The following PXN variants were observed in gnomAD, a reference collection of about 807,000 sequenced individuals.
PXN encodes paxillin, also known as testicular tissue protein Li 134.
PXN carries 61 observed loss-of-function variants against 103.6 expected under a neutral mutation model. The observed-to-expected ratio is 0.59, with a 90% CI of 0.48 to 0.73. The LOEUF (loss-of-function observed/expected upper bound fraction) is 0.73, where lower values mean the gene tolerates loss of function less well. Ranked by LOEUF, PXN falls within the 30% of genes least tolerant of loss-of-function variation. The pLI is 0.00. For synonymous variants in PXN, 562 were observed against 607.8 expected, an observed-to-expected ratio of 0.92 and a Z score of 1.11; for missense variants, 1,274 against 1,460.3, an observed-to-expected ratio of 0.87 and a Z score of 2.08.
At position 120,214,265 on chromosome 12, in the gene PXN, A is replaced by C; in HGVS notation, c.2749-48T>G. 2.0e-4 allele frequency: 300 copies of C among 1,469,346 alleles called. No individual in the cohort carries two copies. The highest frequency in any genetic ancestry group is 2.5e-4 in the Non-Finnish European group (270 of 1,073,138). The allele number at this position is 1,469,346 out of a possible 1,614,324, so 91.0% of individuals were successfully genotyped here. A position where few individuals can be genotyped will look rare whatever the true frequency, so the allele number is the denominator to read the frequency against. ...CAAGGCTGAGCTCTGGGCAGATCTC[A>C]CAACTGAGACGCCCAGCAAGGCCGT... On this transcript the variant is annotated intron_variant, in intron 12 of 14. Coordinates refer to ENST00000637617, the MANE Select transcript of PXN (RefSeq NM_001385981.1). The surrounding 1 kb of genome is among the most constrained non-coding windows in gnomAD (Gnocchi z 5.0).
Position 120,215,441 on chromosome 12 carries a change from G to A in PXN, c.2403+119C>T, listed in dbSNP as rs1311692340. Reference sequence around the variant, plus strand: ...CCCTAAAGTGGGAGTGACGTCAGCAGGACTCCTGGTGGTCGGAGGGGCCCA... The same window carrying A: ...CCCTAAAGTGGGAGTGACGTCAGCAAGACTCCTGGTGGTCGGAGGGGCCCA... On this transcript the variant is annotated intron_variant, in intron 10 of 14. Transcript: ENST00000637617. This position sits in a 1 kb window ranked among gnomAD's most constrained non-coding sequence, Gnocchi z 4.9. 4 of 1,460,342 alleles carry A rather than the reference G, an allele frequency of 2.7e-6. No homozygotes were observed. The African/African-American group carries it at 4.3e-5, about 16-fold the overall frequency. 90.5% of individuals were successfully genotyped at this position (1,460,342 alleles called of 1,614,324 possible).
At chr12:120,262,998 A>T (rs1380860838) in intron 1 of PXN, among the ~76,000 whole-genome samples, 2 of 152,158 alleles carry the variant, frequency 1.3e-5, no homozygotes, top group African/African-American at 4.8e-5. Flanking sequence ...GAAGGAGAAG[A>T]GTTCCCCATT....
At chr12:120,231,195 G>C (rs756050285) in intron 1 of PXN, among the ~76,000 whole-genome samples, 3 of 152,178 alleles carry the variant, frequency 2.0e-5, no homozygotes, top group African/African-American at 4.8e-5. Flanking sequence ...GGCAGAACCC[G>C]ATTTGTCCCC....
intron 1 of PXN, among the ~76,000 whole-genome samples, chr12:120,233,172 G>A (rs1351292920): frequency 6.6e-6 from 1 of 152,062 alleles, no homozygotes; most frequent in Non-Finnish European, 1.5e-5. Context: ...ACACACCATC[G>A]GCCCGAACTT....
At position 120,221,500 on chromosome 12, in the gene PXN, T is replaced by A; in HGVS notation, c.831+123A>T. ...CAAGGCCAGGGCATGACAGTGTCCCTGGCTCAGGGGCAAGGCACCCAAACA... is the reference window on the plus strand; with the variant it reads ...CAAGGCCAGGGCATGACAGTGTCCCAGGCTCAGGGGCAAGGCACCCAAACA... On this transcript the variant is annotated intron_variant, in intron 6 of 14. Coordinates refer to ENST00000637617, the MANE Select transcript of PXN (RefSeq NM_001385981.1). This position sits in a 1 kb window ranked among gnomAD's most constrained non-coding sequence, Gnocchi z 6.6. 8 of 1,093,210 alleles carry A rather than the reference T, an allele frequency of 7.3e-6. No homozygotes were observed. Among genetic ancestry groups the A allele is most frequent in the Non-Finnish European group, 7.7e-6 (6 of 782,346 alleles). 67.7% of individuals were successfully genotyped at this position (1,093,210 alleles called of 1,614,324 possible). A position where few individuals can be genotyped will look rare whatever the true frequency, so the allele number is the denominator to read the frequency against.
chr12:120,242,345 T>A (rs1890299650), intron 1 of PXN, among the ~76,000 whole-genome samples: 1 of 151,672 alleles, frequency 6.6e-6, no homozygotes, highest in South Asian at 2.1e-4. Flanking sequence ...TCTGCACGAG[T>A]CTGCCTCTGA....
chr12:120,240,846 T>C (rs1220294075), intron 1 of PXN, among the ~76,000 whole-genome samples: 1 of 152,140 alleles, frequency 6.6e-6, no homozygotes, highest in Non-Finnish European at 1.5e-5. Flanking sequence ...GTGTCAGGCA[T>C]AACAGTGCCC....
At chr12:120,242,532 C>T (rs916916990) in intron 1 of PXN, among the ~76,000 whole-genome samples, 1 of 152,206 alleles carries the variant, frequency 6.6e-6, no homozygotes, top group African/African-American at 2.4e-5. Flanking sequence ...TGGAAATGCC[C>T]TTCAGAACTG....
intron 1 of PXN, among the ~76,000 whole-genome samples, chr12:120,256,853 G>A (rs1236530423): frequency 6.6e-6 from 1 of 152,062 alleles, no homozygotes; most frequent in Non-Finnish European, 1.5e-5. Context: ...GAGTAGCTGG[G>A]ATTACAAGCA....
chr12:120,226,803 G>A (rs1886971857), intron 1 of PXN: 2 of 1,021,994 alleles, frequency 2.0e-6, no homozygotes, highest in Non-Finnish European at 2.4e-6. Context: ...GCTTCTCAGG[G>A]CCTGTTGTCT....
rs1885545145 is a variant in PXN, at chr12:120,222,688, T to C, written c.556A>G (p.Thr186Ala). 1 of 1,609,658 alleles carries C rather than the reference T, an allele frequency of 6.2e-7. No homozygotes were observed. The highest frequency in any genetic ancestry group is 1.1e-5 in the South Asian group (1 of 90,108). Reference protein sequence around the residue: ...ALSPLYGVPETNSPLGGKAGP... With the variant: ...ALSPLYGVPEANSPLGGKAGP... The stretch of plus-strand genomic sequence containing the variant: ...GCTTTGCCTCCCAAGGGGCTGTTAG[T>C]CTCTGGGACACCATAGAGGGGGCTC... Residue 186 changes from threonine (T) to alanine (A), a missense_variant, in exon 5 of 15, where the codon ACT becomes GCT. By Grantham distance (58) the Thr-to-Ala change is moderately conservative. Around this residue, in one of 2 missense-constraint regions of PXN, gnomAD observed 1,178 missense variants for 1,309.0 expected, o/e 0.90. Transcript: ENST00000637617. The surrounding 1 kb of genome is among the most constrained non-coding windows in gnomAD (Gnocchi z 4.7).
chr12:120,264,673 G>C (rs1202063434), intron 1 of PXN, among the ~76,000 whole-genome samples: 12 of 152,208 alleles, frequency 7.9e-5, no homozygotes, highest in African/African-American at 2.9e-4. Context: ...TTTCACCTGC[G>C]TGGCTTCCAG....
At position 120,221,503 on chromosome 12, in the gene PXN, C is replaced by A; in HGVS notation, c.831+120G>T. Reference sequence around the variant, plus strand: ...GGCCAGGGCATGACAGTGTCCCTGGCTCAGGGGCAAGGCACCCAAACACTG... The same window carrying A: ...GGCCAGGGCATGACAGTGTCCCTGGATCAGGGGCAAGGCACCCAAACACTG... On this transcript the variant is annotated intron_variant, in intron 6 of 14. Transcript: ENST00000637617. The surrounding 1 kb of genome is among the most constrained non-coding windows in gnomAD (Gnocchi z 6.6). 3 of 1,199,130 alleles carry A rather than the reference C, an allele frequency of 2.5e-6. No homozygotes were observed. Among genetic ancestry groups the A allele is most frequent in the Non-Finnish European group, 3.5e-6 (3 of 864,044 alleles). 74.3% of individuals were successfully genotyped at this position (1,199,130 alleles called of 1,614,324 possible).
In PXN at chr12:120,219,930, A is replaced by G. The variant is rs1230578150; in HGVS notation, c.993T>C (p.Pro331=). Residue 331 remains proline (P), a synonymous_variant, in exon 7 of 15, where the codon CCT becomes CCC. Transcript: ENST00000637617. The surrounding 1 kb of genome is among the most constrained non-coding windows in gnomAD (Gnocchi z 6.5). ...GGCCTCGTCCACTCTGCTCAGTACAAGGGAACTCCGGAGTGTGGCCCTGGC... is the reference window on the plus strand; with the variant it reads ...GGCCTCGTCCACTCTGCTCAGTACAGGGGAACTCCGGAGTGTGGCCCTGGC... The part of the protein sequence containing the change: ...PRGQGHTPEF[P]CTEQSGRGLL... 2.5e-6 allele frequency: 4 copies of G among 1,597,688 alleles called. No individual in the cohort carries two copies. In the African/African-American group the frequency reaches 5.3e-5, roughly 21 times the overall value.
intron 1 of PXN, among the ~76,000 whole-genome samples, chr12:120,253,526 C>G (rs906613945): frequency 6.6e-6 from 1 of 152,030 alleles, no homozygotes; most frequent in South Asian, 2.1e-4. Context: ...GTGGGAAGAC[C>G]CACCCAAGGT....
In PXN at chr12:120,224,808, G is replaced by A. The variant is rs1261377424; in HGVS notation, c.14-431C>T. 1 of 452,542 alleles carries A rather than the reference G, an allele frequency of 2.2e-6. No homozygotes were observed. Among genetic ancestry groups the A allele is most frequent in the African/African-American group, 2.0e-5 (1 of 50,042 alleles). The allele number at this position is 452,542 out of a possible 1,614,324, so 28.0% of individuals were successfully genotyped here. A position where few individuals can be genotyped will look rare whatever the true frequency, so the allele number is the denominator to read the frequency against. On this transcript the variant is annotated intron_variant, in intron 1 of 14. Coordinates refer to ENST00000637617, the MANE Select transcript of PXN (RefSeq NM_001385981.1). The surrounding 1 kb of genome is among the most constrained non-coding windows in gnomAD (Gnocchi z 5.0). ...CCCTGGCTATGCCAGGCCCTCACTTGATTTCTAAGAGCTTAGGCTTTCCCA... is the reference window on the plus strand; with the variant it reads ...CCCTGGCTATGCCAGGCCCTCACTTAATTTCTAAGAGCTTAGGCTTTCCCA...
intron 2 of PXN, 128 bp from the exon 3 acceptor site, chr12:120,223,961 G>C: frequency 1.1e-6 from 1 of 869,942 alleles, no homozygotes; most frequent in Non-Finnish European, 1.8e-6. Context: ...TCCACAGTTG[G>C]GCCAGGAAAC....
rs566259427 is a variant in PXN at position 120,245,704 on chromosome 12, C to T, written c.13+19913G>A. On this transcript the variant is annotated intron_variant, in intron 1 of 14. Transcript: ENST00000637617. ...TTGGGAGGCTGAGGCAGGAGAATGG[C>T]GTGAACCCAGGAGGCGGAGCTTTCA... is the stretch of plus-strand genomic sequence containing the variant. Among the ~76,000 whole-genome samples the T allele has an allele frequency of 1.4e-4, 20 of 147,662 alleles. No homozygotes were observed. In the East Asian group the frequency reaches 3.6e-3, roughly 27 times the overall value.
rs1894493326 is a variant in PXN, at chr12:120,265,175, G to C, written c.13+442C>G. The stretch of plus-strand genomic sequence containing the variant: ...AAATGAGGGAGCAGCCCATGAGATC[G>C]GGCAGCTGCTCCCCGAGTTGGGCGG... On this transcript the variant is annotated intron_variant, in intron 1 of 14. Coordinates refer to ENST00000637617, the MANE Select transcript of PXN (RefSeq NM_001385981.1). This position sits in a 1 kb window ranked among gnomAD's most constrained non-coding sequence, Gnocchi z 5.7. 6.6e-6 allele frequency among the ~76,000 whole-genome samples: 1 copy of C among 150,696 alleles called. No homozygotes were observed. The highest frequency in any genetic ancestry group is 1.5e-5 in the Non-Finnish European group (1 of 67,450).
Sources: allele counts gnomAD v4.1 joint callset (sites outside exome capture counted in the v4.1 genomes callset), GRCh38; gene constraint gnomAD v4.1.1; regional missense constraint gnomAD v4.1.1; non-coding constraint Gnocchi (gnomAD v3.1); transcripts MANE v1.5; gene names NCBI Gene and HGNC (gene_info 2026-07-23, HGNC 2026-07-21).